The following BSG variants were observed in gnomAD, a reference collection of about 807,000 sequenced individuals.
BSG encodes basigin (Ok blood group).
A neutral mutation model predicts 43.1 loss-of-function variants in BSG; 37 were observed. The ratio of observed to expected loss-of-function variants is 0.86; its 90% CI spans 0.66 to 1.13. BSG has a LOEUF of 1.13. Among genes scored for constraint, BSG ranks in the 50% most tolerant of loss-of-function variants. BSG has a pLI of 0.00. For missense variants in BSG, 599 were observed against 554.2 expected (o/e 1.08, Z -0.81); for synonymous variants, 309 against 238.7 (o/e 1.29, Z -2.72).
At position 577,754 on chromosome 19, in the gene BSG, C is replaced by A; in HGVS notation, c.68-20C>A. ...AGTGCCCCAGGCACTAACAAGACCCCACGCGTGCTCTCCCCACAGCCGGCT... is the reference window on the plus strand; with the variant it reads ...AGTGCCCCAGGCACTAACAAGACCCAACGCGTGCTCTCCCCACAGCCGGCT... On this transcript the variant is annotated intron_variant, in intron 1 of 8. Transcript: ENST00000333511. 1 of 1,390,936 alleles carries A rather than the reference C, an allele frequency of 7.2e-7. No homozygotes were observed. The highest frequency in any genetic ancestry group is 9.3e-7 in the Non-Finnish European group (1 of 1,072,846). 86.2% of individuals were successfully genotyped at this position (1,390,936 alleles called of 1,614,324 possible).
At chr19:579,244 G>C in intron 2 of BSG, 1 of 592,878 alleles carries the variant, frequency 1.7e-6, no homozygotes, top group Non-Finnish European at 3.2e-6. Flanking sequence ...CCCGCCAGCT[G>C]CCAGCGAAGG....
intron 1 of BSG, among the ~76,000 whole-genome samples, chr19:574,160 C>A (rs1457426596): frequency 6.6e-6 from 1 of 151,526 alleles, no homozygotes; most frequent in East Asian, 1.9e-4. Context: ...GAAGCTGAGG[C>A]AAGAGAATCG....
Position 578,119 on chromosome 19 carries a change from A to T in BSG, c.413A>T (p.Glu138Val). The T allele has an allele frequency of 6.4e-7, 1 of 1,562,368 alleles. No individual in the cohort carries two copies. The highest frequency in any genetic ancestry group is 8.7e-7 in the Non-Finnish European group (1 of 1,149,788). Residue 138 changes from glutamate to valine, a missense_variant and splice_region_variant, in exon 2 of 9, where the codon GAA (glutamate) becomes GTA (valine). Physicochemically the swap from Glu to Val is moderately radical, Grantham distance 121. Transcript: ENST00000333511. ...GCCCAGGCAGTCGTGCTAGTCCTGG[A>T]ACGTGAGTGGCGGGCACCTCCCTCC... ...VRAQAVVLVL[E>V]PGTVFTTVED...
chr19:572,309 C>G, upstream of BSG: 2 of 874,760 alleles, frequency 2.3e-6, no homozygotes, highest in Non-Finnish European at 2.8e-6. Context: ...CACCGCTCTG[C>G]GCTCATTGCA....
Position 572,659 on chromosome 19 carries a change from C to A in BSG, c.25C>A (p.Leu9Met). The A allele has an allele frequency of 6.6e-7, 1 of 1,506,046 alleles. No individual in the cohort carries two copies. Among genetic ancestry groups the A allele is most frequent in the Non-Finnish European group, 8.9e-7 (1 of 1,125,882 alleles). 93.3% of individuals were successfully genotyped at this position (1,506,046 alleles called of 1,614,324 possible). A position where few individuals can be genotyped will look rare whatever the true frequency, so the allele number is the denominator to read the frequency against. ...CATGGCGGCTGCGCTGTTCGTGCTG[C>A]TGGGATTCGCGCTGCTGGGCACCCA... MAAALFVL[L>M]GFALLGTHGA... Residue 9 changes from leucine to methionine, a missense_variant, in exon 1 of 9, where the codon CTG (leucine) becomes ATG (methionine). Transcript: ENST00000333511.
chr19:577,420 C>CAGAGGT (rs112210807), intron 1 of BSG, among the ~76,000 whole-genome samples: 3 of 152,146 alleles, frequency 2.0e-5, no homozygotes, highest in African/African-American at 2.4e-5. Context: ...GGGTATCGGG[C>CAGAGGT]AGAAGTCAGA....
chr19:578,161 C>A, intron 2 of BSG, 40 bp downstream of exon 2: 2 of 1,472,624 alleles, frequency 1.4e-6, no homozygotes, highest in Non-Finnish European at 1.8e-6. Context: ...CCCTCAGTTT[C>A]CCTCCTGTGC....
intron 3 of BSG, 93 bp downstream of exon 3, chr19:579,749 C>T (rs1982121278): frequency 6.7e-6 from 10 of 1,495,996 alleles, no homozygotes; most frequent in South Asian, 4.0e-5. Context: ...AAAGACCGGT[C>T]GGCAGGCTTG....
In BSG at chr19:582,907, T is replaced by C. The variant is rs1278694025; in HGVS notation, c.*163T>C. ...TTTAAAAAAGTTGGGTTTTCTCCAT[T>C]CAGGATTCTGTTCCTTAGGTTTTTT... On this transcript the variant is annotated 3_prime_UTR_variant, in exon 9 of 9. Transcript: ENST00000333511. 5 of 394,092 alleles carry C rather than the reference T, an allele frequency of 1.3e-5. No homozygotes were observed. The highest frequency in any genetic ancestry group is 1.0e-4 in the African/African-American group (5 of 48,360). The allele number at this position is 394,092 out of a possible 1,614,324, so 24.4% of individuals were successfully genotyped here.
Position 579,664 on chromosome 19 carries a change from C to T in BSG, c.572+8C>T. 1.3e-6 allele frequency: 2 copies of T among 1,596,930 alleles called. No homozygotes were observed. The highest frequency in any genetic ancestry group is 1.7e-6 in the Non-Finnish European group (2 of 1,171,082). ...CCAGAAAACGGAGTTCAAGTGAGTGCCTGACCACGCCATGCCGCCACCTGC... is the reference window on the plus strand; with the variant it reads ...CCAGAAAACGGAGTTCAAGTGAGTGTCTGACCACGCCATGCCGCCACCTGC... On this transcript the variant is annotated splice_region_variant and intron_variant, in intron 3 of 8. Coordinates refer to ENST00000333511, the MANE Select transcript of BSG (RefSeq NM_001728.4).
chr19:578,280 G>T, intron 2 of BSG, 159 bp downstream of exon 2: 1 of 755,258 alleles, frequency 1.3e-6, no homozygotes, highest in Non-Finnish European at 1.9e-6. Flanking sequence ...GGACCTGAAG[G>T]GGGTGGGCTC....
intron 6 of BSG, 31 bp from the exon 7 acceptor site, chr19:582,274 TC>T: frequency 3.1e-6 from 5 of 1,605,190 alleles, no homozygotes; most frequent in Non-Finnish European, 3.4e-6. Context: ...TGTCCTCTCG[TC>T]CTCTTTTTCA....
intron 1 of BSG, among the ~76,000 whole-genome samples, chr19:576,013 T>C (rs1010809251): frequency 6.6e-6 from 1 of 152,196 alleles, no homozygotes; most frequent in Admixed American, 6.5e-5. Flanking sequence ...GACACAGGGT[T>C]GTTCCATCCA....
At chr19:576,757 A>C (rs1364195818) in intron 1 of BSG, among the ~76,000 whole-genome samples, 1 of 140,196 alleles carries the variant, frequency 7.1e-6, no homozygotes, top group Non-Finnish European at 1.5e-5. Flanking sequence ...TCAAAAAAAA[A>C]AAAAAGAAGA....
chr19:578,165 C>T, intron 2 of BSG, 44 bp downstream of exon 2: 1 of 1,470,206 alleles, frequency 6.8e-7, no homozygotes, highest in Non-Finnish European at 9.1e-7. Context: ...CAGTTTCCCT[C>T]CTGTGCCGCT....
Position 582,816 on chromosome 19 carries a change from G to A in BSG, c.*72G>A. 2 of 575,726 alleles carry A rather than the reference G, an allele frequency of 3.5e-6. No homozygotes were observed. Among genetic ancestry groups the A allele is most frequent in the Non-Finnish European group, 6.2e-6 (2 of 324,384 alleles). 35.7% of individuals were successfully genotyped at this position (575,726 alleles called of 1,614,324 possible). On this transcript the variant is annotated 3_prime_UTR_variant, in exon 9 of 9. Coordinates refer to ENST00000333511, the MANE Select transcript of BSG (RefSeq NM_001728.4). ...CGGAGTCCACTCCCAGTGCTTGCAA[G>A]ATTCCAAGTTCTCACCTCTTAAAGA...
chr19:578,501 C>T (rs1981984799), intron 2 of BSG, among the ~76,000 whole-genome samples: 1 of 152,278 alleles, frequency 6.6e-6, no homozygotes. Flanking sequence ...GTCTCAGAAC[C>T]TTCTGTGTCC....
intron 3 of BSG, 41 bp from the exon 4 acceptor site, chr19:580,338 G>T (rs1982173219): frequency 6.3e-7 from 1 of 1,590,444 alleles, no homozygotes; most frequent in East Asian, 2.2e-5. Flanking sequence ...GAGGCGTCCT[G>T]CAGAGCTGGT....
chr19:580,529 C>T (rs1340939666), intron 4 of BSG, 68 bp downstream of exon 4: 22 of 1,603,910 alleles, frequency 1.4e-5, no homozygotes, highest in Middle Eastern at 3.4e-4. Flanking sequence ...CTGAGGCACC[C>T]GGCACATCCC....
Sources: gnomAD v4.1 joint callset for allele counts (sites outside exome capture counted in the v4.1 genomes callset) on GRCh38, gnomAD v4.1.1 for gene constraint, MANE v1.5 for transcripts, NCBI Gene and HGNC (gene_info 2026-07-23, HGNC 2026-07-21) for gene names.